The following CRISPLD2 variants were observed in gnomAD, a reference collection of about 807,000 sequenced individuals.
The protein encoded by CRISPLD2 is cysteine rich secretory protein LCCL domain containing 2, also known as cysteine-rich secretory protein LCCL domain-containing 2.
In CRISPLD2, 47 loss-of-function variants were observed where a neutral mutation model predicts 71.1. The ratio of observed to expected loss-of-function variants is 0.66; its 90% CI spans 0.52 to 0.84. The LOEUF (loss-of-function observed/expected upper bound fraction) is 0.84, where lower values mean the gene tolerates loss of function less well. Ranked by LOEUF, CRISPLD2 falls within the 40% of genes least tolerant of loss-of-function variation. The probability of loss-of-function intolerance (pLI) is 0.00; values close to 1 mark genes in which losing one functional copy is unlikely to be tolerated. For synonymous variants in CRISPLD2, 317 were observed against 250.1 expected, an observed-to-expected ratio of 1.27 and a Z score of -2.52; for missense variants, 830 against 651.1, an observed-to-expected ratio of 1.27 and a Z score of -2.99.
At chr16:84,853,675 A>G (rs1256763234) in intron 5 of CRISPLD2, among the ~76,000 whole-genome samples, 1 of 152,132 alleles carries the variant, frequency 6.6e-6, no homozygotes, top group Non-Finnish European at 1.5e-5. Context: ...GCCCCTCCCC[A>G]TCTTCCCTGG....
intron 2 of CRISPLD2, among the ~76,000 whole-genome samples, chr16:84,844,764 T>C (rs537869880): frequency 6.6e-6 from 1 of 152,064 alleles, no homozygotes; most frequent in Non-Finnish European, 1.5e-5. Context: ...GAGTCTAAAA[T>C]CCCCTGCAGG....
chr16:84,822,575 A>G (rs1271108638), intron 1 of CRISPLD2, among the ~76,000 whole-genome samples: 1 of 152,018 alleles, frequency 6.6e-6, no homozygotes, highest in Non-Finnish European at 1.5e-5. Context: ...TCTTTTGCAA[A>G]CGCACTGGTT....
At chr16:84,862,779 A>T (rs941321941) in intron 6 of CRISPLD2, among the ~76,000 whole-genome samples, 2 of 144,912 alleles carry the variant, frequency 1.4e-5, no homozygotes, top group African/African-American at 5.2e-5. Context: ...AGGGTGGGGT[A>T]GATGTGGGAT....
At position 84,889,276 on chromosome 16, in the gene CRISPLD2, A is replaced by G. The variant is rs750921409; in HGVS notation, c.1352A>G (p.Asn451Ser). The G allele has an allele frequency of 1.1e-5, 18 of 1,613,990 alleles. No homozygotes were observed. Among genetic ancestry groups the G allele is most frequent in the East Asian group, 2.2e-5 (1 of 44,878 alleles). The change falls in exon 14 of 15, where the codon AAC (asparagine) becomes AGC (serine). Residue 451 changes from asparagine to serine, a missense_variant. Asn to Ser is a conservative substitution (Grantham distance 46). Transcript: ENST00000262424. Reference sequence around the variant, plus strand: ...GCCGTGCACGCGGGAGTCATCAGCAACGAGAGTGGGGGTGACGTGGACGTG... The same window carrying G: ...GCCGTGCACGCGGGAGTCATCAGCAGCGAGAGTGGGGGTGACGTGGACGTG... Reference protein sequence around the residue: ...KTAVHAGVISNESGGDVDVMP... With the variant: ...KTAVHAGVISSESGGDVDVMP...
chr16:84,872,445 C>T lies in CRISPLD2; in HGVS notation c.918C>T (p.Tyr306=), dbSNP rs778872270. The change falls in exon 9 of 15, where the codon TAC becomes TAT. Residue 306 remains tyrosine, a synonymous_variant. Transcript: ENST00000262424. ...DRCKGSTCNR[Y]QCPAGCLNHK... ...CATTTTATTTCTTCCTCGTCAGGTACCAGTGCCCAGCAGGCTGCCTGAACC... is the reference window on the plus strand; with the variant it reads ...CATTTTATTTCTTCCTCGTCAGGTATCAGTGCCCAGCAGGCTGCCTGAACC... 1.2e-6 allele frequency: 2 copies of T among 1,613,248 alleles called. No homozygotes were observed. The highest frequency in any genetic ancestry group is 8.5e-7 in the Non-Finnish European group (1 of 1,179,508).
chr16:84,874,086 C>G (rs1391634912), intron 11 of CRISPLD2, 123 bp downstream of exon 11: 4 of 863,452 alleles, frequency 4.6e-6, no homozygotes, highest in South Asian at 1.7e-5. Flanking sequence ...TGGTTCTCAT[C>G]ATTGTCAAGC....
chr16:84,874,586 C>G (rs187836207), intron 11 of CRISPLD2, among the ~76,000 whole-genome samples: 3 of 152,346 alleles, frequency 2.0e-5, no homozygotes, highest in Admixed American at 1.3e-4. Flanking sequence ...GCCATTCCAG[C>G]TTCCTCCCCG....
intron 13 of CRISPLD2, among the ~76,000 whole-genome samples, chr16:84,885,807 C>T (rs990055734): frequency 3.5e-5 from 5 of 141,224 alleles, no homozygotes; most frequent in African/African-American, 1.3e-4. Flanking sequence ...AATGTTGGAT[C>T]CCTTCTTTTT....
chr16:84,859,351 C>T (rs1917323414), intron 6 of CRISPLD2, among the ~76,000 whole-genome samples: 1 of 152,118 alleles, frequency 6.6e-6, no homozygotes. Context: ...GTTTTGGGTC[C>T]CCTGGAGTCA....
In CRISPLD2 at chr16:84,820,862, G is replaced by A. The variant is rs117867124; in HGVS notation, c.-75+729G>A. Among the ~76,000 whole-genome samples, 159 of 152,310 alleles carry A rather than the reference G, an allele frequency of 1.0e-3. 2 individuals are homozygous for A. Among genetic ancestry groups the A allele is most frequent in the East Asian group, 4.2e-3 (22 of 5,184 alleles). ...TGGGGAGAGTTACCCTGGAAGCGGA[G>A]GGCTCACTCTGGAGTGTGGGGGAGA... is the stretch of plus-strand genomic sequence containing the variant. On this transcript the variant is annotated intron_variant, in intron 1 of 14. Transcript: ENST00000262424.
chr16:84,869,324 G>A (rs376341225), intron 8 of CRISPLD2, among the ~76,000 whole-genome samples: 3 of 152,330 alleles, frequency 2.0e-5, no homozygotes, highest in East Asian at 1.9e-4. Context: ...TGCAGCCGCC[G>A]CACGCACACC....
chr16:84,890,872 G>C (rs1567703481), intron 14 of CRISPLD2, among the ~76,000 whole-genome samples: 1 of 152,126 alleles, frequency 6.6e-6, no homozygotes, highest in African/African-American at 2.4e-5. Context: ...GTGTCATTCA[G>C]AAAGGGCACT....
chr16:84,866,332 C>G (rs113121830), intron 6 of CRISPLD2, among the ~76,000 whole-genome samples: 1,783 of 151,830 alleles, frequency 0.012, 37 homozygotes, highest in African/African-American at 0.04. Flanking sequence ...CTACCGGCTT[C>G]AAGCGATTCT....
At chr16:84,845,943 C>CAGGA in intron 3 of CRISPLD2, 39 bp downstream of exon 3, 1 of 1,378,400 alleles carries the variant, frequency 7.3e-7, no homozygotes, top group African/African-American at 1.4e-5. Flanking sequence ...CCGCAGGACC[C>CAGGA]CACTGCCGTG....
At chr16:84,891,336 G>A (rs1052474765) in intron 14 of CRISPLD2, among the ~76,000 whole-genome samples, 1 of 152,312 alleles carries the variant, frequency 6.6e-6, no homozygotes, top group East Asian at 1.9e-4. Flanking sequence ...TGTGCAGCGG[G>A]CTTGCCCTGT....
chr16:84,847,968 T>C (rs1421375072), intron 3 of CRISPLD2, among the ~76,000 whole-genome samples: 1 of 152,252 alleles, frequency 6.6e-6, no homozygotes, highest in Non-Finnish European at 1.5e-5. Context: ...ATTTTTGTTT[T>C]TTGTTTTTGT....
chr16:84,859,535 C>A (rs886137750), intron 6 of CRISPLD2, among the ~76,000 whole-genome samples: 5 of 152,166 alleles, frequency 3.3e-5, no homozygotes, highest in Non-Finnish European at 7.4e-5. Flanking sequence ...GGGGACCTAG[C>A]CTCCCCTTCA....
intron 14 of CRISPLD2, among the ~76,000 whole-genome samples, chr16:84,893,694 C>G (rs1464261956): frequency 1.3e-5 from 2 of 152,204 alleles, no homozygotes; most frequent in African/African-American, 2.4e-5. Flanking sequence ...CCAGAGGGGA[C>G]TCCTTGGGGA....
intron 13 of CRISPLD2, among the ~76,000 whole-genome samples, chr16:84,881,109 A>G (rs1432567476): frequency 2.0e-5 from 3 of 152,204 alleles, no homozygotes; most frequent in Non-Finnish European, 4.4e-5. Context: ...ACAAATGCAG[A>G]TTCAGGAGTG....
Sources: gnomAD v4.1 joint callset for allele counts (sites outside exome capture counted in the v4.1 genomes callset) on GRCh38, gnomAD v4.1.1 for gene constraint, MANE v1.5 for transcripts, NCBI Gene and HGNC (gene_info 2026-07-23, HGNC 2026-07-21) for gene names.